The following KIAA0586 variants were observed in gnomAD, a reference collection of about 807,000 sequenced individuals.
KIAA0586 encodes protein TALPID3.
Under a neutral mutation model 169.8 loss-of-function variants are expected in KIAA0586, and 144 were observed. The observed-to-expected ratio is 0.85, with a 90% CI of 0.74 to 0.97. The LOEUF is 0.97. Among genes scored for constraint, KIAA0586 ranks in the 50% least tolerant of loss-of-function variants. The probability of loss-of-function intolerance (pLI) is 0.00; values close to 1 mark genes in which losing one functional copy is unlikely to be tolerated. For synonymous variants in KIAA0586, 625 were observed against 612.4 expected (o/e 1.02, Z -0.30); for missense variants, 1,854 against 1,823.0 (o/e 1.02, Z -0.31).
intron 6 of KIAA0586, among the ~76,000 whole-genome samples, chr14:58,444,713 C>G (rs2038706094): frequency 6.6e-6 from 1 of 151,984 alleles, no homozygotes; most frequent in Non-Finnish European, 1.5e-5. Flanking sequence ...CGTGAGCTGC[C>G]ATGCCCAGCC....
At chr14:58,543,265 T>C (rs1309959364) in intron 30 of KIAA0586, among the ~76,000 whole-genome samples, 1 of 152,198 alleles carries the variant, frequency 6.6e-6, no homozygotes, top group Non-Finnish European at 1.5e-5. Flanking sequence ...TCTTACCTTT[T>C]ACCTATTTTT....
At chr14:58,534,661 GA>G (rs201912434) in intron 29 of KIAA0586, among the ~76,000 whole-genome samples, 3 of 149,712 alleles carry the variant, frequency 2.0e-5, no homozygotes, top group African/African-American at 4.9e-5. Context: ...AAGGTTTTAG[GA>G]AAAAAAAATA....
intron 29 of KIAA0586, chr14:58,521,902 G>A: frequency 1.5e-6 from 2 of 1,348,534 alleles, no homozygotes; most frequent in Non-Finnish European, 2.1e-6. Context: ...GATGGGGGAT[G>A]ACCAGCTGGA....
Position 58,497,399 on chromosome 14 carries a change from G to A in KIAA0586, c.3991-1384G>A, listed in dbSNP as rs377294604. 1.2e-3 allele frequency among the ~76,000 whole-genome samples: 174 copies of A among 147,126 alleles called. 1 individual carries two copies. The highest frequency in any genetic ancestry group is 0.01 in the South Asian group (48 of 4,596). ...TTTTGAGACAGAGTATCACTCTGTC[G>A]CCCAGGCTGGAGTTCAGTGGCTCAG... On this transcript the variant is annotated intron_variant, in intron 26 of 30. Coordinates refer to ENST00000652326, the MANE Select transcript of KIAA0586 (RefSeq NM_001329943.3).
intron 5 of KIAA0586, 75 bp downstream of exon 5, chr14:58,442,955 A>C: frequency 9.3e-7 from 1 of 1,072,906 alleles, no homozygotes; most frequent in Non-Finnish European, 1.3e-6. Context: ...GATTCTATAA[A>C]TGGTTGTGTC....
intron 9 of KIAA0586, among the ~76,000 whole-genome samples, chr14:58,455,279 T>C (rs1218001784): frequency 1.3e-5 from 2 of 152,232 alleles, no homozygotes; most frequent in African/African-American, 2.4e-5. Flanking sequence ...CTTTTAGTAA[T>C]AGCTGATTTA....
the KIAA0586 span, among the ~76,000 whole-genome samples, chr14:58,560,583 C>A: frequency 2.0e-5 from 3 of 152,152 alleles, no homozygotes; most frequent in African/African-American, 7.2e-5. Context: ...AAATTTGTTT[C>A]TCGTTGTTTC....
chr14:58,538,680 T>TA (rs1330751010), intron 29 of KIAA0586, among the ~76,000 whole-genome samples: 4 of 152,206 alleles, frequency 2.6e-5, no homozygotes, highest in African/African-American at 9.6e-5. Flanking sequence ...TTTCTATTTT[T>TA]TTTTTTTTTT....
At chr14:58,440,062 T>C (rs1029259376) in intron 4 of KIAA0586, 2 of 232,954 alleles carry the variant, frequency 8.6e-6, no homozygotes, top group African/African-American at 4.8e-5. Flanking sequence ...TTTTTTTTTT[T>C]TTTCTAGAGA....
chr14:58,536,110 T>C lies in KIAA0586; in HGVS notation c.4430-3961T>C, dbSNP rs185229445. Among the ~76,000 whole-genome samples, 51 of 152,256 alleles carry C rather than the reference T, an allele frequency of 3.3e-4. 1 individual carries two copies. Among genetic ancestry groups the C allele is most frequent in the African/African-American group, 1.2e-3 (51 of 41,552 alleles). On this transcript the variant is annotated intron_variant, in intron 29 of 30. Coordinates refer to ENST00000652326, the MANE Select transcript of KIAA0586 (RefSeq NM_001329943.3). ...AGCCCAAATTTCAATTTTTTAAAAA[T>C]ACCAATTTTTATAAATGTCATTTTA...
At chr14:58,491,879 C>G (rs958213614) in intron 25 of KIAA0586, among the ~76,000 whole-genome samples, 1 of 152,166 alleles carries the variant, frequency 6.6e-6, no homozygotes, top group Non-Finnish European at 1.5e-5. Context: ...CTGTGTGGGA[C>G]AGACTGTTTG....
downstream of KIAA0586, among the ~76,000 whole-genome samples, chr14:58,552,159 T>C (rs1291592765): frequency 6.6e-6 from 1 of 152,160 alleles, no homozygotes; most frequent in African/African-American, 2.4e-5. Flanking sequence ...TGCACAGTAG[T>C]TTTTGAAGAC....
intron 7 of KIAA0586, 24 bp from the exon 8 acceptor site, chr14:58,450,555 T>G: frequency 6.7e-7 from 1 of 1,486,922 alleles, no homozygotes; most frequent in Non-Finnish European, 9.2e-7. Flanking sequence ...GCAAGTTAAG[T>G]TTTTAAAAAA....
intron 29 of KIAA0586, among the ~76,000 whole-genome samples, chr14:58,519,086 C>T (rs186647674): frequency 6.2e-4 from 94 of 152,290 alleles, no homozygotes; most frequent in Middle Eastern, 6.8e-3. Flanking sequence ...GAGCTGAGAT[C>T]GCACCACTGC....
intron 26 of KIAA0586, among the ~76,000 whole-genome samples, chr14:58,492,693 A>G (rs768706639): frequency 1.1e-4 from 17 of 152,234 alleles, no homozygotes; most frequent in Admixed American, 5.9e-4. Flanking sequence ...TACAAGTACT[A>G]TATGAACACA....
At chr14:58,492,781 G>A (rs2042915532) in intron 26 of KIAA0586, among the ~76,000 whole-genome samples, 1 of 152,336 alleles carries the variant, frequency 6.6e-6, no homozygotes. Flanking sequence ...TAAAGATGGA[G>A]TAGGACTTTG....
intron 29 of KIAA0586, among the ~76,000 whole-genome samples, chr14:58,516,650 G>A (rs778173266): frequency 2.6e-5 from 4 of 152,118 alleles, no homozygotes; most frequent in African/African-American, 4.8e-5. Flanking sequence ...ACAAGCTGAA[G>A]CTAAAACTCT....
the KIAA0586 span, among the ~76,000 whole-genome samples, chr14:58,561,012 C>T: frequency 8.5e-5 from 13 of 152,142 alleles, no homozygotes; most frequent in African/African-American, 3.1e-4. Context: ...AATTAAAGGC[C>T]TGTGGGTTAG....
At chr14:58,451,694 C>G (rs922653026) in intron 8 of KIAA0586, among the ~76,000 whole-genome samples, 2 of 151,842 alleles carry the variant, frequency 1.3e-5, no homozygotes, top group African/African-American at 4.8e-5. Context: ...AATATATGAA[C>G]TTTTTTTGAG....
Sources: allele counts gnomAD v4.1 joint callset (sites outside exome capture counted in the v4.1 genomes callset), GRCh38; gene constraint gnomAD v4.1.1; transcripts MANE v1.5; gene names NCBI Gene and HGNC (gene_info 2026-07-23, HGNC 2026-07-21).